CTPS2: variants seen among roughly 807,000 people sequenced by gnomAD.
CTPS2 encodes the protein CTP synthase II.
Under a neutral mutation model 46.8 loss-of-function variants are expected in CTPS2, and 19 were observed. The ratio of observed to expected loss-of-function variants is 0.41; its 90% CI spans 0.28 to 0.60. The LOEUF is 0.60. Ranked by LOEUF, CTPS2 falls within the 20% of genes least tolerant of loss-of-function variation. The pLI is 0.35. For missense variants in CTPS2, 286 were observed against 447.6 expected, an observed-to-expected ratio of 0.64 and a Z score of 3.26; for synonymous variants, 151 against 165.2, an observed-to-expected ratio of 0.91 and a Z score of 0.66.
intron 1 of CTPS2, among the ~76,000 whole-genome samples, chrX:16,709,838 A>G: frequency 1.4e-5 from 1 of 71,945 alleles, no homozygotes; most frequent in East Asian, 5.3e-4. Flanking sequence ...ACAGAGTGAG[A>G]CTCTGTCTCC....
chrX:16,674,643 C>T (rs1293655332), intron 10 of CTPS2, among the ~76,000 whole-genome samples: 1 of 104,532 alleles, frequency 9.6e-6, no homozygotes, highest in Non-Finnish European at 1.9e-5. Context: ...TCGAGACCAT[C>T]CTGGCTAACA....
At position 16,670,601 on chromosome X, in the gene CTPS2, T is replaced by C. The variant is rs1483736686; in HGVS notation, c.1168A>G (p.Thr390Ala). 6 of 1,205,296 alleles carry C rather than the reference T, an allele frequency of 5.0e-6. No homozygotes were observed. Among genetic ancestry groups the C allele is most frequent in the Non-Finnish European group, 6.7e-6 (6 of 891,269 alleles). The change falls in exon 11 of 19, where the codon ACA becomes GCA. Residue 390 changes from threonine (T) to alanine (A), a missense_variant. Physicochemically the swap from Thr to Ala is moderately conservative, Grantham distance 58 (BLOSUM62 0). Coordinates refer to ENST00000359276, the MANE Select transcript of CTPS2 (RefSeq NM_175859.3). ...GKLQAISWAR[T>A]KKIPFLGVCL... is the part of the protein sequence containing the mutation. The stretch of plus-strand genomic sequence containing the variant: ...TTACCCAGAAAAGGAATCTTCTTTG[T>C]CCTTGCCCAAGAAATCGCCTGGAGT...
chrX:16,702,785 C>G lies in CTPS2; in HGVS notation c.118G>C (p.Asp40His). 1 of 1,210,155 alleles carries G rather than the reference C, an allele frequency of 8.3e-7. No individual in the cohort carries two copies. The highest frequency in any genetic ancestry group is 1.1e-6 in the Non-Finnish European group (1 of 894,756). ...CGLRVTAIKI[D>H]PYINIDAGTF... is the part of the protein sequence containing the mutation. ...CCAGCATCGATGTTAATATAGGGGTCGATTTTTATGGCAGTAACTCGGAGT... is the reference window on the plus strand; with the variant it reads ...CCAGCATCGATGTTAATATAGGGGTGGATTTTTATGGCAGTAACTCGGAGT... The change falls in exon 2 of 19, where the codon GAC becomes CAC. Residue 40 changes from aspartate (D) to histidine (H), a missense_variant. Physicochemically the swap from Asp to His is moderately conservative, Grantham distance 81. Coordinates refer to ENST00000359276, the MANE Select transcript of CTPS2 (RefSeq NM_175859.3).
At chrX:16,611,522 TA>T (rs34923654) in intron 16 of CTPS2, among the ~76,000 whole-genome samples, 25,965 of 84,685 alleles carry the variant, frequency 0.31, 3,097 homozygotes, top group African/African-American at 0.41. Flanking sequence ...TTGAAATTAT[TA>T]AAAAAAAAAA....
chrX:16,674,732 G>T (rs1462049308), intron 10 of CTPS2, among the ~76,000 whole-genome samples: 6 of 107,519 alleles, frequency 5.6e-5, no homozygotes, highest in Non-Finnish European at 1.2e-4. Flanking sequence ...CAGCTACTCG[G>T]GAGGCTGAGG....
intron 13 of CTPS2, among the ~76,000 whole-genome samples, chrX:16,642,472 TAGG>T (rs769580079): frequency 1.8e-5 from 2 of 111,550 alleles, no homozygotes; most frequent in East Asian, 5.7e-4. Context: ...GGGCCTAGCT[TAGG>T]AGATCTCATC....
intron 16 of CTPS2, among the ~76,000 whole-genome samples, chrX:16,610,543 A>T (rs1196235969): frequency 8.9e-6 from 1 of 112,092 alleles, no homozygotes; most frequent in East Asian, 2.8e-4. Context: ...AAAGTCAAAA[A>T]ACAGCAGATG....
intron 13 of CTPS2, among the ~76,000 whole-genome samples, chrX:16,639,776 GAAAA>G (rs1488409523): frequency 2.2e-5 from 1 of 45,085 alleles, no homozygotes; most frequent in African/African-American, 9.0e-5. Flanking sequence ...AAAAGGAAAA[GAAAA>G]GAAAGAAAGA....
In CTPS2 at chrX:16,589,588, T is replaced by C. The variant is rs369789635; in HGVS notation, c.*229A>G. Reference sequence around the variant, plus strand: ...AAAATTTAATCAGCTACAGATATTTTAAGTACCAAAGGCTGCCTCTGGAGG... The same window carrying C: ...AAAATTTAATCAGCTACAGATATTTCAAGTACCAAAGGCTGCCTCTGGAGG... On this transcript the variant is annotated 3_prime_UTR_variant, in exon 19 of 19. Coordinates refer to ENST00000359276, the MANE Select transcript of CTPS2 (RefSeq NM_175859.3). 5 of 112,026 alleles carry C rather than the reference T, an allele frequency of 4.5e-5. No homozygotes were observed. The highest frequency in any genetic ancestry group is 2.9e-4 in the Admixed American group (3 of 10,505). 9.2% of individuals were successfully genotyped at this position (112,026 alleles called of 1,213,427 possible). A position where few individuals can be genotyped will look rare whatever the true frequency, so the allele number is the denominator to read the frequency against.
At chrX:16,696,990 G>A (rs1164020121) in intron 4 of CTPS2, among the ~76,000 whole-genome samples, 1 of 110,904 alleles carries the variant, frequency 9.0e-6, no homozygotes, top group Non-Finnish European at 1.9e-5. Flanking sequence ...AGTCATACAG[G>A]CATCTTAATA....
intron 16 of CTPS2, among the ~76,000 whole-genome samples, chrX:16,611,181 T>C (rs1930237928): frequency 8.9e-6 from 1 of 112,115 alleles, no homozygotes; most frequent in Non-Finnish European, 1.9e-5. Context: ...CCAAGCACAG[T>C]AACTCATGCC....
Position 16,589,764 on chromosome X carries a change from T to G in CTPS2, c.*53A>C, listed in dbSNP as rs1458637530. On this transcript the variant is annotated 3_prime_UTR_variant, in exon 19 of 19. Coordinates refer to ENST00000359276, the MANE Select transcript of CTPS2 (RefSeq NM_175859.3). The stretch of plus-strand genomic sequence containing the variant: ...GATAGTTCCTTCATCTTGCCTTCAA[T>G]TATTTCAGAGGCTTAAAAGAAAAGA... 1.8e-5 allele frequency: 2 copies of G among 112,223 alleles called. No homozygotes were observed. The highest frequency in any genetic ancestry group is 3.8e-5 in the Non-Finnish European group (2 of 53,267). The allele number at this position is 112,223 out of a possible 1,213,427, so 9.2% of individuals were successfully genotyped here. A position where few individuals can be genotyped will look rare whatever the true frequency, so the allele number is the denominator to read the frequency against.
intron 14 of CTPS2, among the ~76,000 whole-genome samples, chrX:16,622,710 C>T (rs62589067): frequency 0.17 from 18,458 of 110,992 alleles, 1,376 homozygotes; most frequent in Middle Eastern, 0.3. Flanking sequence ...TTTGAAACTG[C>T]ATGGTTTCTG....
At chrX:16,677,258 T>C (rs1407785839) in intron 10 of CTPS2, among the ~76,000 whole-genome samples, 2 of 111,533 alleles carry the variant, frequency 1.8e-5, no homozygotes, top group African/African-American at 6.5e-5. Flanking sequence ...ATTGCTATTG[T>C]ACTCTTTGTG....
chrX:16,669,251 G>A (rs778749869), intron 11 of CTPS2, among the ~76,000 whole-genome samples: 50 of 111,396 alleles, frequency 4.5e-4, no homozygotes, highest in Non-Finnish European at 8.5e-4. Flanking sequence ...ACCCAGCTCC[G>A]CCTTCACTGC....
intron 1 of CTPS2, among the ~76,000 whole-genome samples, chrX:16,704,185 A>T (rs1229910448): frequency 9.0e-6 from 1 of 110,934 alleles, no homozygotes; most frequent in African/African-American, 3.3e-5. Flanking sequence ...GTGACCACCC[A>T]CCTCGGCCTC....
At chrX:16,696,691 G>A (rs1042221555) in intron 4 of CTPS2, among the ~76,000 whole-genome samples, 13 of 111,034 alleles carry the variant, frequency 1.2e-4, no homozygotes, top group African/African-American at 3.9e-4. Flanking sequence ...ACTCCAGCCC[G>A]AGGCAACATA....
intron 17 of CTPS2, among the ~76,000 whole-genome samples, chrX:16,600,982 A>G (rs1356628252): frequency 9.0e-6 from 1 of 111,482 alleles, no homozygotes; most frequent in Admixed American, 9.5e-5. Context: ...TGACTTGGAC[A>G]AAATTACTCA....
rs144072013 is a variant in CTPS2 at position 16,657,557 on chromosome X, G to A, written c.1296+9957C>T. 6.1e-3 allele frequency among the ~76,000 whole-genome samples: 675 copies of A among 111,373 alleles called. 25 individuals are homozygous for A. Among genetic ancestry groups the A allele is most frequent in the Admixed American group, 0.057 (589 of 10,372 alleles). On this transcript the variant is annotated intron_variant, in intron 13 of 18. Transcript: ENST00000359276. ...AGTAGAAACTATTATCATTGGTTACGTGCTTCAAGAGGACTGGGCAGATGG... is the reference window on the plus strand; with the variant it reads ...AGTAGAAACTATTATCATTGGTTACATGCTTCAAGAGGACTGGGCAGATGG...
Sources: allele counts gnomAD v4.1 joint callset (sites outside exome capture counted in the v4.1 genomes callset), GRCh38; gene constraint gnomAD v4.1.1; transcripts MANE v1.5; gene names NCBI Gene and HGNC (gene_info 2026-07-23, HGNC 2026-07-21).